Variants in AKAP17A observed in about 807,000 individuals in gnomAD.
AKAP17A encodes the protein A-kinase anchor protein 17A.
A neutral mutation model predicts 52.2 loss-of-function variants in AKAP17A; 15 were observed. That is an observed-to-expected ratio of 0.29 (90% CI 0.19 to 0.44). The LOEUF (loss-of-function observed/expected upper bound fraction) is 0.44. Among genes scored for constraint, AKAP17A ranks in the 20% least tolerant of loss-of-function variants. The pLI is 1.00. For synonymous variants in AKAP17A, 514 were observed against 424.7 expected (o/e 1.21, Z -2.58); for missense variants, 1,060 against 1,007.0 (o/e 1.05, Z -0.71).
chrX:1,601,476 G>C lies in AKAP17A; in HGVS notation c.1970G>C (p.Arg657Thr). The C allele has an allele frequency of 6.4e-7, 1 of 1,569,610 alleles. No individual in the cohort carries two copies. The highest frequency in any genetic ancestry group is 8.6e-7 in the Non-Finnish European group (1 of 1,165,922). ...TCCCACAGCAAAGACAGGCACCGGA[G>C]GGAGCGGAGCCGGGAGCGGAGGGGC... ...RRSHSKDRHR[R>T]ERSRERRGSA... Residue 657 changes from arginine (R) to threonine (T), a missense_variant, in exon 5 of 5, where the codon AGG becomes ACG. By Grantham distance (71) the Arg-to-Thr change is moderately conservative. Around this residue, in one of 2 missense-constraint regions of AKAP17A, gnomAD observed 793 missense variants for 629.9 expected, o/e 1.26. Coordinates refer to ENST00000313871, the MANE Select transcript of AKAP17A (RefSeq NM_005088.3).
intron 3 of AKAP17A, among the ~76,000 whole-genome samples, chrX:1,596,591 A>T (rs1196672995): frequency 9.8e-6 from 1 of 101,714 alleles, no homozygotes; most frequent in Admixed American, 1.0e-4. Flanking sequence ...CTCCTCCTCC[A>T]TCCCTCCCAC....
At position 1,601,522 on chromosome X, in the gene AKAP17A, C is replaced by T. The variant is rs374342596; in HGVS notation, c.2016C>T (p.Ser672=). ...GGGGCAGCGCCAGCAGGAAGCACAG[C>T]CGCCACCGCCGCCGAAGCGAGCGGT... ...ERRGSASRKH[S]RHRRRSERSR... The change falls in exon 5 of 5, where the codon AGC becomes AGT. Residue 672 remains serine (S), a synonymous_variant. Coordinates refer to ENST00000313871, the MANE Select transcript of AKAP17A (RefSeq NM_005088.3). 195 of 1,492,930 alleles carry T rather than the reference C, an allele frequency of 1.3e-4. No homozygotes were observed. In the African/African-American group the frequency reaches 2.2e-3, roughly 17 times the overall value. The allele number at this position is 1,492,930 out of a possible 1,614,324, so 92.5% of individuals were successfully genotyped here.
At chrX:1,599,704 G>T (rs1261676427) in intron 4 of AKAP17A, 5 of 633,170 alleles carry the variant, frequency 7.9e-6, no homozygotes, top group Non-Finnish European at 1.1e-5. Context: ...GGGGGCCAGG[G>T]CAGAGGCTCT....
intron 1 of AKAP17A, among the ~76,000 whole-genome samples, chrX:1,592,274 C>T (rs1293576764): frequency 6.6e-6 from 1 of 151,566 alleles, no homozygotes; most frequent in African/African-American, 2.4e-5. Context: ...CTGAGGGTAC[C>T]GAGTGGCCAA....
Position 1,600,701 on chromosome X carries a change from A to G in AKAP17A, c.1195A>G (p.Arg399Gly), listed in dbSNP as rs1180883981. 13 of 1,546,022 alleles carry G rather than the reference A, an allele frequency of 8.4e-6. No individual in the cohort carries two copies. The highest frequency in any genetic ancestry group is 1.1e-5 in the Non-Finnish European group (13 of 1,146,450). Residue 399 changes from arginine to glycine, a missense_variant, in exon 5 of 5, where the codon AGG (arginine) becomes GGG (glycine). Physicochemically the swap from Arg to Gly is moderately radical, Grantham distance 125. Coordinates refer to ENST00000313871, the MANE Select transcript of AKAP17A (RefSeq NM_005088.3). ...ACAGGAGCAGAAGGAGGAGAAGCTGAGGCTCCAGCAGCAGGAGGAGCGGCG... is the reference window on the plus strand; with the variant it reads ...ACAGGAGCAGAAGGAGGAGAAGCTGGGGCTCCAGCAGCAGGAGGAGCGGCG... ...REQEQKEEKL[R>G]LQQQEERRRL...
Position 1,593,847 on chromosome X carries a change from T to C in AKAP17A, c.385T>C (p.Ser129Pro). The change falls in exon 2 of 5, where the codon TCC becomes CCC. Residue 129 changes from serine to proline, a missense_variant. Physicochemically the swap from Ser to Pro is moderately conservative, Grantham distance 74. This residue lies in a region of AKAP17A where 267 missense variants were observed against 377.1 expected (regional missense o/e 0.71). Coordinates refer to ENST00000313871, the MANE Select transcript of AKAP17A (RefSeq NM_005088.3). ...IDFPTRHDWD[S>P]FFRDAKDMNE... is the part of the protein sequence containing the mutation. ...CTTCCCCACCCGCCACGACTGGGACTCCTTCTTCCGCGACGCCAAGGACAT... is the reference window on the plus strand; with the variant it reads ...CTTCCCCACCCGCCACGACTGGGACCCCTTCTTCCGCGACGCCAAGGACAT... 1 of 1,612,620 alleles carries C rather than the reference T, an allele frequency of 6.2e-7. No individual in the cohort carries two copies. Among genetic ancestry groups the C allele is most frequent in the Non-Finnish European group, 8.5e-7 (1 of 1,179,094 alleles).
rs755711914 is a variant in AKAP17A, at chrX:1,601,150, C to T, written c.1644C>T (p.Ser548=). Residue 548 remains serine (S), a synonymous_variant, in exon 5 of 5, where the codon TCC becomes TCT. Coordinates refer to ENST00000313871, the MANE Select transcript of AKAP17A (RefSeq NM_005088.3). ...PEKRCPGGVL[S]CIPDNNQQPK... ...AGAGGTGCCCGGGCGGCGTCCTCTC[C>T]TGCATTCCTGACAACAACCAACAGC... 9.9e-6 allele frequency: 16 copies of T among 1,613,830 alleles called. No homozygotes were observed. In the African/African-American group the frequency reaches 1.3e-4, roughly 13 times the overall value.
intron 3 of AKAP17A, among the ~76,000 whole-genome samples, chrX:1,597,141 ATG>A (rs1184127803): frequency 1.3e-5 from 2 of 152,030 alleles, no homozygotes; most frequent in African/African-American, 2.4e-5. Context: ...CAGCGTGTTG[ATG>A]TGTGTGGCTG....
At chrX:1,600,255 G>A (rs1229086853) in intron 4 of AKAP17A, 2 of 1,248,968 alleles carry the variant, frequency 1.6e-6, no homozygotes. Flanking sequence ...TCGCCCCGCA[G>A]CTACGGCGGT....
intron 4 of AKAP17A, chrX:1,600,099 C>A: frequency 8.0e-7 from 1 of 1,251,588 alleles, no homozygotes; most frequent in Non-Finnish European, 1.1e-6. Flanking sequence ...CCCTGGAGTC[C>A]AACGCGGGGC....
At chrX:1,596,238 A>C (rs1178422306) in intron 3 of AKAP17A, among the ~76,000 whole-genome samples, 2 of 149,240 alleles carry the variant, frequency 1.3e-5, no homozygotes, top group East Asian at 2.0e-4. Flanking sequence ...AAAAAAAAAA[A>C]AAAAACAAAA....
Position 1,601,511 on chromosome X carries a change from A to C in AKAP17A, c.2005A>C (p.Arg669=). 1.3e-6 allele frequency: 2 copies of C among 1,517,126 alleles called. No individual in the cohort carries two copies. The highest frequency in any genetic ancestry group is 2.5e-5 in the South Asian group (2 of 81,018). 94.0% of individuals were successfully genotyped at this position (1,517,126 alleles called of 1,614,324 possible). The part of the protein sequence containing the change: ...RSRERRGSAS[R]KHSRHRRRSE... Reference sequence around the variant, plus strand: ...CCGGGAGCGGAGGGGCAGCGCCAGCAGGAAGCACAGCCGCCACCGCCGCCG... The same window carrying C: ...CCGGGAGCGGAGGGGCAGCGCCAGCCGGAAGCACAGCCGCCACCGCCGCCG... The change falls in exon 5 of 5, where the codon AGG becomes CGG. Residue 669 remains arginine (R), a synonymous_variant. Coordinates refer to ENST00000313871, the MANE Select transcript of AKAP17A (RefSeq NM_005088.3).
intron 3 of AKAP17A, among the ~76,000 whole-genome samples, chrX:1,597,996 C>T (rs1298581169): frequency 1.3e-5 from 2 of 152,138 alleles, no homozygotes; most frequent in African/African-American, 4.8e-5. Context: ...GAGGGGAGGC[C>T]CAGGGCAGCC....
rs192024262 is a variant in AKAP17A, at chrX:1,600,655, G to A, written c.1153-4G>A. The A allele has an allele frequency of 7.8e-6, 12 of 1,533,464 alleles. No homozygotes were observed. The highest frequency in any genetic ancestry group is 6.0e-5 in the Admixed American group (3 of 50,356). The allele number at this position is 1,533,464 out of a possible 1,614,324, so 95.0% of individuals were successfully genotyped here. A position where few individuals can be genotyped will look rare whatever the true frequency, so the allele number is the denominator to read the frequency against. On this transcript the variant is annotated splice_region_variant and splice_polypyrimidine_tract_variant and intron_variant, in intron 4 of 4. Transcript: ENST00000313871. ...GCTCAGCTGCACTTTCCTCTTCCCC[G>A]CAGGCTGTGAAGCTACGGGAACAGG... is the stretch of plus-strand genomic sequence containing the variant.
At chrX:1,594,846 T>C (rs1207524859) in intron 2 of AKAP17A, among the ~76,000 whole-genome samples, 1 of 152,192 alleles carries the variant, frequency 6.6e-6, no homozygotes, top group East Asian at 1.9e-4. Context: ...CTCGAACTCC[T>C]GACCTCATGA....
In AKAP17A at chrX:1,601,855, G is replaced by T; in HGVS notation, c.*261G>T. On this transcript the variant is annotated 3_prime_UTR_variant, in exon 5 of 5. Coordinates refer to ENST00000313871, the MANE Select transcript of AKAP17A (RefSeq NM_005088.3). Reference sequence around the variant, plus strand: ...TTGATCCGATAGCTTTAATGCGGCCGGTCCTCTCTCAGTCAGGAAAATTGC... The same window carrying T: ...TTGATCCGATAGCTTTAATGCGGCCTGTCCTCTCTCAGTCAGGAAAATTGC... 2.5e-6 allele frequency: 1 copy of T among 394,368 alleles called. No homozygotes were observed. The allele number at this position is 394,368 out of a possible 1,614,324, so 24.4% of individuals were successfully genotyped here.
chrX:1,598,519 G>A (rs1387837258), intron 3 of AKAP17A, among the ~76,000 whole-genome samples: 27 of 152,226 alleles, frequency 1.8e-4, no homozygotes, highest in East Asian at 9.7e-4. Context: ...TCCCATGTCC[G>A]GTGTTGGTTG....
In AKAP17A at chrX:1,600,779, C is replaced by T. The variant is rs371727826; in HGVS notation, c.1273C>T (p.Leu425=). The change falls in exon 5 of 5, where the codon CTG becomes TTG. Residue 425 remains leucine (L), a synonymous_variant. Coordinates refer to ENST00000313871, the MANE Select transcript of AKAP17A (RefSeq NM_005088.3). ...CGTGGAGGAGGAGAAGGAGCGCGCGCTGGGCCTGCAGCGGAAAGAGCGGGA... is the reference window on the plus strand; with the variant it reads ...CGTGGAGGAGGAGAAGGAGCGCGCGTTGGGCCTGCAGCGGAAAGAGCGGGA... ...RRVEEEKERA[L]GLQRKERELR... is the part of the protein sequence containing the mutation. The T allele has an allele frequency of 5.1e-5, 80 of 1,578,276 alleles. No individual in the cohort carries two copies. Among genetic ancestry groups the T allele is most frequent in the Non-Finnish European group, 4.8e-5 (56 of 1,167,102 alleles).
chrX:1,592,765 G>A (rs1932861171), intron 1 of AKAP17A, among the ~76,000 whole-genome samples: 1 of 152,182 alleles, frequency 6.6e-6, no homozygotes, highest in Non-Finnish European at 1.5e-5. Context: ...AGCTCAGCAG[G>A]GAAGAGGTGG....
Sources: allele counts gnomAD v4.1 joint callset (sites outside exome capture counted in the v4.1 genomes callset), GRCh38; gene constraint gnomAD v4.1.1; regional missense constraint gnomAD v4.1.1; transcripts MANE v1.5; gene names NCBI Gene and HGNC (gene_info 2026-07-23, HGNC 2026-07-21).